Variants in FHIP1A observed in about 807,000 individuals in gnomAD.
FHIP1A encodes the protein FHF complex subunit HOOK-interacting protein 1A.
FHIP1A carries 61 observed loss-of-function variants against 88.6 expected under a neutral mutation model. The observed-to-expected ratio is 0.69, with a 90% CI of 0.56 to 0.85. FHIP1A has a LOEUF of 0.85. Among genes scored for constraint, FHIP1A ranks in the 40% least tolerant of loss-of-function variants. The pLI is 0.00. For missense variants in FHIP1A, 1,154 were observed against 1,273.5 expected (o/e 0.91, Z 1.43); for synonymous variants, 478 against 496.0 (o/e 0.96, Z 0.48).
intron 2 of FHIP1A, among the ~76,000 whole-genome samples, chr4:151,474,834 A>G (rs937473928): frequency 6.6e-6 from 1 of 152,178 alleles, no homozygotes; most frequent in African/African-American, 2.4e-5. Flanking sequence ...AGGAAGGCTA[A>G]CAATGTAATT....
At chr4:151,500,900 A>G (rs1580638441) in intron 3 of FHIP1A, among the ~76,000 whole-genome samples, 1 of 152,192 alleles carries the variant, frequency 6.6e-6, no homozygotes, top group East Asian at 1.9e-4. Context: ...ATATACTTTT[A>G]TGTTTAAAGT....
rs533136802 is a variant in FHIP1A at position 151,512,474 on chromosome 4, G to C, written c.-123+29826G>C. On this transcript the variant is annotated intron_variant, in intron 3 of 13. Coordinates refer to ENST00000435205, the MANE Select transcript of FHIP1A (RefSeq NM_001109977.3). ...GGAGAATGACTTTGACGAGTTGAGAGAAGAAGGCTTCAGATGATCAAACTA... is the reference window on the plus strand; with the variant it reads ...GGAGAATGACTTTGACGAGTTGAGACAAGAAGGCTTCAGATGATCAAACTA... Among the ~76,000 whole-genome samples the C allele has an allele frequency of 9.8e-5, 15 of 152,352 alleles. No individual in the cohort carries two copies. The East Asian group carries it at 2.9e-3, about 29-fold the overall frequency.
intron 3 of FHIP1A, among the ~76,000 whole-genome samples, chr4:151,487,021 G>C (rs1730112803): frequency 6.6e-6 from 1 of 151,628 alleles, no homozygotes; most frequent in Non-Finnish European, 1.5e-5. Context: ...ATTTTTCTGA[G>C]GCTTCTCCTT....
At chr4:151,573,035 GGAGTATCT>G (rs1733652566) in intron 4 of FHIP1A, among the ~76,000 whole-genome samples, 6 of 152,168 alleles carry the variant, frequency 3.9e-5, no homozygotes, top group Admixed American at 3.9e-4. Flanking sequence ...GATAAGGATA[GGAGTATCT>G]GATACTACTT....
chr4:151,595,933 G>C (rs1734630009), intron 7 of FHIP1A, among the ~76,000 whole-genome samples: 2 of 152,132 alleles, frequency 1.3e-5, no homozygotes, highest in African/African-American at 4.8e-5. Context: ...CACATGAGAT[G>C]GGTCTCCTGA....
intron 13 of FHIP1A, among the ~76,000 whole-genome samples, chr4:151,658,054 G>A (rs1459669057): frequency 2.6e-5 from 4 of 152,322 alleles, no homozygotes; most frequent in East Asian, 1.9e-4. Flanking sequence ...CTGGTAAAGC[G>A]AGGAGTCGGG....
At chr4:151,422,925 C>T (rs1031487799) in intron 1 of FHIP1A, among the ~76,000 whole-genome samples, 3 of 152,100 alleles carry the variant, frequency 2.0e-5, no homozygotes, top group African/African-American at 7.2e-5. Context: ...TCTTTCTAGC[C>T]CCTCTCTTTC....
At chr4:151,481,480 G>A (rs1335805784) in intron 2 of FHIP1A, among the ~76,000 whole-genome samples, 2 of 151,806 alleles carry the variant, frequency 1.3e-5, no homozygotes, top group Non-Finnish European at 2.9e-5. Flanking sequence ...TCAGTTATTG[G>A]CATTTAAATC....
At chr4:151,604,289 A>G (rs1483429327) in intron 7 of FHIP1A, among the ~76,000 whole-genome samples, 2 of 151,232 alleles carry the variant, frequency 1.3e-5, no homozygotes, top group African/African-American at 2.4e-5. Context: ...GCTCCTTTCT[A>G]TTGTTAGGTG....
intron 3 of FHIP1A, among the ~76,000 whole-genome samples, chr4:151,504,078 A>G (rs1469048106): frequency 2.6e-5 from 4 of 152,220 alleles, no homozygotes; most frequent in Non-Finnish European, 5.9e-5. Context: ...AGCCTTACCA[A>G]CAGTAACTCG....
At chr4:151,502,728 A>G (rs1028507333) in intron 3 of FHIP1A, among the ~76,000 whole-genome samples, 9 of 152,200 alleles carry the variant, frequency 5.9e-5, no homozygotes, top group Non-Finnish European at 1.3e-4. Context: ...ATTTGAGGCC[A>G]TTCAGTTTAT....
intron 3 of FHIP1A, among the ~76,000 whole-genome samples, chr4:151,541,000 G>T (rs1732263582): frequency 6.6e-6 from 1 of 152,218 alleles, no homozygotes; most frequent in Non-Finnish European, 1.5e-5. Flanking sequence ...TGCTTTTTGA[G>T]TATGTACGTA....
rs1019532849 is a variant in FHIP1A at position 151,577,836 on chromosome 4, C to G, written c.492C>G (p.Val164=). The G allele has an allele frequency of 1.3e-6, 2 of 1,551,850 alleles. No homozygotes were observed. The highest frequency in any genetic ancestry group is 1.7e-6 in the Non-Finnish European group (2 of 1,147,052). Residue 164 remains valine (V), a synonymous_variant, in exon 5 of 14, where the codon GTC becomes GTG. Coordinates refer to ENST00000435205, the MANE Select transcript of FHIP1A (RefSeq NM_001109977.3). The stretch of plus-strand genomic sequence containing the variant: ...CCACTGTGGAGGAGAAGCTGGTTGT[C>G]CTACTCAATCAGCTCTGTTCCATTC... ...TTPTVEEKLV[V]LLNQLCSILA...
intron 1 of FHIP1A, among the ~76,000 whole-genome samples, chr4:151,410,458 CTCCCTGCT>C (rs1732580138): frequency 6.6e-6 from 1 of 152,250 alleles, no homozygotes; most frequent in Admixed American, 6.5e-5. Flanking sequence ...AAGTCAGCTG[CTCCCTGCT>C]AATAGTCATA....
chr4:151,658,189 C>T (rs1471631097), intron 13 of FHIP1A, among the ~76,000 whole-genome samples: 1 of 152,206 alleles, frequency 6.6e-6, no homozygotes, highest in African/African-American at 2.4e-5. Flanking sequence ...GACCTGTGTT[C>T]CTCCTGAACA....
intron 3 of FHIP1A, among the ~76,000 whole-genome samples, chr4:151,563,648 G>A (rs1733260413): frequency 6.6e-6 from 1 of 152,084 alleles, no homozygotes; most frequent in Admixed American, 6.5e-5. Context: ...TCTCTTGGGA[G>A]TTTTAGCATT....
chr4:151,554,232 T>C (rs868326996), intron 3 of FHIP1A, among the ~76,000 whole-genome samples: 19 of 152,298 alleles, frequency 1.2e-4, no homozygotes, highest in Admixed American at 5.2e-4. Context: ...AAGTGCCCAA[T>C]AAACAGTGGC....
chr4:151,634,753 C>T (rs62327277), intron 8 of FHIP1A, among the ~76,000 whole-genome samples: 43,277 of 151,648 alleles, frequency 0.29, 6,412 homozygotes, highest in Non-Finnish European at 0.33. Flanking sequence ...AAAATTAACT[C>T]AAAATGTATC....
Position 151,412,325 on chromosome 4 carries a change from C to T in FHIP1A, c.-356+2860C>T, listed in dbSNP as rs1357227258. Among the ~76,000 whole-genome samples the T allele has an allele frequency of 2.0e-5, 3 of 152,088 alleles. 1 individual carries two copies. Among genetic ancestry groups the T allele is most frequent in the South Asian group, 4.1e-4 (2 of 4,826 alleles). ...TTCGCCATGTTGGCCAGGGTGGTCT[C>T]AAACTCCTGACCTCAGGTGACCCAC... On this transcript the variant is annotated intron_variant, in intron 1 of 13. Transcript: ENST00000435205.
Sources: gnomAD v4.1 joint callset for allele counts (sites outside exome capture counted in the v4.1 genomes callset) on GRCh38, gnomAD v4.1.1 for gene constraint, MANE v1.5 for transcripts, NCBI Gene and HGNC (gene_info 2026-07-23, HGNC 2026-07-21) for gene names.